Variants in CIB1 observed in about 807,000 individuals in gnomAD.
CIB1 encodes calcium and integrin binding 1.
CIB1 carries 19 observed loss-of-function variants against 25.0 expected under a neutral mutation model. That is an observed-to-expected ratio of 0.76 (90% CI 0.53 to 1.12). The LOEUF (loss-of-function observed/expected upper bound fraction) is 1.12. Ranked by LOEUF, CIB1 falls within the 50% of genes most tolerant of loss-of-function variation. The probability of loss-of-function intolerance (pLI) is 0.00; values close to 1 mark genes in which losing one functional copy is unlikely to be tolerated. For missense variants in CIB1, 236 were observed against 242.6 expected, an observed-to-expected ratio of 0.97 and a Z score of 0.18; for synonymous variants, 104 against 98.5, an observed-to-expected ratio of 1.06 and a Z score of -0.33.
At chr15:90,239,225 A>T in the CIB1 span, among the ~76,000 whole-genome samples, 1 of 151,844 alleles carries the variant, frequency 6.6e-6, no homozygotes, top group Non-Finnish European at 1.5e-5. Context: ...TTTTATCTTT[A>T]TTGTTTCTCC....
chr15:90,230,530 T>G, intron 6 of CIB1, 25 bp from the exon 7 acceptor site: 3 of 1,551,524 alleles, frequency 1.9e-6, no homozygotes, highest in Non-Finnish European at 2.6e-6. Flanking sequence ...AGCGGTGGGT[T>G]TTCTGCTGGA....
chr15:90,256,603 T>TTC, the CIB1 span, among the ~76,000 whole-genome samples: 2 of 29,906 alleles, frequency 6.7e-5, no homozygotes, highest in African/African-American at 2.8e-4. Context: ...CTTTCTTTCT[T>TTC]TCTTTCCTTC....
chr15:90,263,831 AG>A, the CIB1 span: 1 of 741,162 alleles, frequency 1.3e-6, no homozygotes, highest in East Asian at 2.7e-5. Context: ...GCCACAGAGC[AG>A]GGCGCTCCTC....
chr15:90,241,513 G>T, the CIB1 span: 1 of 1,613,646 alleles, frequency 6.2e-7, no homozygotes, highest in Non-Finnish European at 8.5e-7. Context: ...CCGGGCTTCC[G>T]TGTCGGCTTC....
At chr15:90,252,124 C>T in the CIB1 span, among the ~76,000 whole-genome samples, 1 of 151,508 alleles carries the variant, frequency 6.6e-6, no homozygotes, top group African/African-American at 2.4e-5. Context: ...ACTGCAACCT[C>T]CACCACCCAG....
At chr15:90,258,995 G>T in the CIB1 span, 227,463 of 1,610,010 alleles carry the variant, frequency 0.14, 17,729 homozygotes, top group African/African-American at 0.26. Context: ...TCCTTTAGAT[G>T]AAGAATGTGG....
the CIB1 span, chr15:90,253,244 T>C: frequency 1.2e-6 from 2 of 1,611,768 alleles, no homozygotes; most frequent in East Asian, 4.5e-5. Context: ...TCCCTGTCTC[T>C]GCAGTGCGTC....
chr15:90,234,047 C>G (rs1390511461), upstream of CIB1: 22 of 827,870 alleles, frequency 2.7e-5, no homozygotes, highest in Non-Finnish European at 3.8e-5. Flanking sequence ...CGTTCCCAGC[C>G]GGGTTTGGCA....
At chr15:90,264,477 A>G in the CIB1 span, among the ~76,000 whole-genome samples, 1 of 152,132 alleles carries the variant, frequency 6.6e-6, no homozygotes, top group Non-Finnish European at 1.5e-5. Context: ...GGCCTATTTA[A>G]TCCTTTCTGT....
the CIB1 span, among the ~76,000 whole-genome samples, chr15:90,249,214 CAAA>C: frequency 0.011 from 976 of 88,158 alleles, 7 homozygotes; most frequent in Non-Finnish European, 0.012. Context: ...GACCCCGTCT[CAAA>C]AAAAAAAAAA....
At chr15:90,263,409 T>C in the CIB1 span, 1 of 492,732 alleles carries the variant, frequency 2.0e-6, no homozygotes, top group Non-Finnish European at 3.6e-6. Flanking sequence ...TCTATATTCC[T>C]GTCCCAAAAT....
chr15:90,241,936 C>T, the CIB1 span: 65 of 1,614,050 alleles, frequency 4.0e-5, no homozygotes, highest in Non-Finnish European at 5.4e-5. Flanking sequence ...CCTGTCAAAA[C>T]ATCCCAGGAC....
upstream of CIB1, among the ~76,000 whole-genome samples, chr15:90,235,734 A>AT (rs1445768208): frequency 2.0e-5 from 3 of 149,794 alleles, no homozygotes; most frequent in East Asian, 4.1e-4. Context: ...CACCCGGCTA[A>AT]TTTTTTTGTA....
At chr15:90,233,756 GC>G in intron 1 of CIB1, 53 bp from the exon 2 acceptor site, 1 of 1,552,878 alleles carries the variant, frequency 6.4e-7, no homozygotes, top group Non-Finnish European at 8.7e-7. Flanking sequence ...GGCCGCGGCC[GC>G]CCCGCAGCCA....
At chr15:90,258,407 G>A in the CIB1 span, 1 of 759,562 alleles carries the variant, frequency 1.3e-6, no homozygotes, top group South Asian at 1.7e-5. Flanking sequence ...GGAATGAGCA[G>A]AAGGCATAAG....
chr15:90,239,238 TA>T, the CIB1 span, among the ~76,000 whole-genome samples: 26 of 151,788 alleles, frequency 1.7e-4, no homozygotes, highest in Admixed American at 1.2e-3. Flanking sequence ...GTTTCTCCAT[TA>T]AAAAAATTTA....
chr15:90,242,090 T>C, the CIB1 span: 3 of 1,557,648 alleles, frequency 1.9e-6, no homozygotes, highest in East Asian at 6.8e-5. Context: ...ATTTATGTTC[T>C]TTTTTTCTTT....
At chr15:90,232,179 G>C in intron 3 of CIB1, 40 bp downstream of exon 3, 1 of 1,492,506 alleles carries the variant, frequency 6.7e-7, no homozygotes, top group Non-Finnish European at 9.3e-7. Flanking sequence ...AGCAGGGAGG[G>C]AGTGGTGGGA....
the CIB1 span, among the ~76,000 whole-genome samples, chr15:90,254,030 T>C: frequency 2.6e-5 from 4 of 151,828 alleles, no homozygotes; most frequent in African/African-American, 7.3e-5. Flanking sequence ...CCAGAGGAGG[T>C]TGGGTGTGGT....
Sources: allele counts gnomAD v4.1 joint callset (sites outside exome capture counted in the v4.1 genomes callset), GRCh38; gene constraint gnomAD v4.1.1; transcripts MANE v1.5; gene names NCBI Gene and HGNC (gene_info 2026-07-23, HGNC 2026-07-21).